Variants in WDR70 observed in about 807,000 individuals in gnomAD.
WDR70 encodes WD repeat-containing protein 70.
Under a neutral mutation model 88.6 loss-of-function variants are expected in WDR70, and 53 were observed. The ratio of observed to expected loss-of-function variants is 0.60; its 90% CI spans 0.48 to 0.75. The LOEUF (loss-of-function observed/expected upper bound fraction) is 0.75. Among genes scored for constraint, WDR70 ranks in the 30% least tolerant of loss-of-function variants. WDR70 has a pLI of 0.00. For synonymous variants in WDR70, 280 were observed against 270.0 expected, an observed-to-expected ratio of 1.04 and a Z score of -0.36; for missense variants, 610 against 823.2, an observed-to-expected ratio of 0.74 and a Z score of 3.17.
intron 9 of WDR70, among the ~76,000 whole-genome samples, chr5:37,551,865 G>A (rs779505901): frequency 2.0e-4 from 28 of 140,592 alleles, no homozygotes; most frequent in Admixed American, 4.3e-4. Context: ...TCTGCCTCCC[G>A]GGTTCAAGTG....
intron 9 of WDR70, among the ~76,000 whole-genome samples, chr5:37,562,044 A>C (rs888535899): frequency 2.0e-5 from 3 of 152,016 alleles, no homozygotes; most frequent in Non-Finnish European, 4.4e-5. Context: ...ATTAAGTGAA[A>C]ATTTTTCTTT....
intron 8 of WDR70, among the ~76,000 whole-genome samples, chr5:37,497,479 T>TTTC: frequency 1.6e-5 from 2 of 128,274 alleles, no homozygotes; most frequent in Non-Finnish European, 3.2e-5. Flanking sequence ...TTTCCTTCCC[T>TTTC]CTTCCCTTCC....
At chr5:37,384,034 A>G (rs1316402306) in intron 3 of WDR70, among the ~76,000 whole-genome samples, 1 of 152,070 alleles carries the variant, frequency 6.6e-6, no homozygotes, top group Non-Finnish European at 1.5e-5. Flanking sequence ...CTTGGACATC[A>G]TTTTACTCAT....
At chr5:37,727,078 G>A (rs749139769) in intron 17 of WDR70, 33 bp downstream of exon 17, 1 of 1,588,586 alleles carries the variant, frequency 6.3e-7, no homozygotes, top group African/African-American at 1.4e-5. Context: ...CAGGAAAATT[G>A]TTATGTTTAA....
At chr5:37,478,298 C>T (rs115474804) in intron 7 of WDR70, among the ~76,000 whole-genome samples, 1,639 of 152,308 alleles carry the variant, frequency 0.011, 23 homozygotes, top group African/African-American at 0.037. Context: ...GCTTCTCTTT[C>T]ACCAACAAAA....
intron 9 of WDR70, among the ~76,000 whole-genome samples, chr5:37,528,629 A>T (rs1234991936): frequency 5.0e-5 from 1 of 20,152 alleles, no homozygotes; most frequent in Non-Finnish European, 1.6e-4. Flanking sequence ...AAAGTATAAT[A>T]AAAAAAAACT....
At chr5:37,482,121 C>A (rs1198235234) in intron 8 of WDR70, among the ~76,000 whole-genome samples, 1 of 152,156 alleles carries the variant, frequency 6.6e-6, no homozygotes, top group Non-Finnish European at 1.5e-5. Flanking sequence ...TTCAACAAGT[C>A]TCTAGGAAGT....
intron 3 of WDR70, among the ~76,000 whole-genome samples, chr5:37,383,551 T>C (rs1748499351): frequency 6.6e-6 from 1 of 151,612 alleles, no homozygotes; most frequent in African/African-American, 2.4e-5. Context: ...TGTGAACCAC[T>C]GTGCCAGGCC....
Position 37,697,601 on chromosome 5 carries a change from GTTCT to G in WDR70, c.1093-53_1093-50del, listed in dbSNP as rs1246565944. 108 of 1,439,924 alleles carry G rather than the reference GTTCT, an allele frequency of 7.5e-5. No homozygotes were observed. The African/African-American group carries it at 1.3e-3, about 17-fold the overall frequency. The allele number at this position is 1,439,924 out of a possible 1,614,324, so 89.2% of individuals were successfully genotyped here. A position where few individuals can be genotyped will look rare whatever the true frequency, so the allele number is the denominator to read the frequency against. On this transcript the variant is annotated intron_variant, in intron 10 of 17. Coordinates refer to ENST00000265107, the MANE Select transcript of WDR70 (RefSeq NM_018034.4). ...AGTGAAATGTTCTTGCCACAAAACT[GTTCT>G]CTTCTGAATTGAGGTGAGATATTAA...
intron 10 of WDR70, among the ~76,000 whole-genome samples, chr5:37,672,427 G>T (rs1441159301): frequency 6.6e-6 from 1 of 152,082 alleles, no homozygotes; most frequent in African/African-American, 2.4e-5. Context: ...TGTAAAACCC[G>T]CTCGTACATT....
intron 10 of WDR70, among the ~76,000 whole-genome samples, chr5:37,676,445 G>GT (rs1345790604): frequency 1.3e-5 from 2 of 152,136 alleles, no homozygotes; most frequent in Non-Finnish European, 2.9e-5. Context: ...TTAGCATGAA[G>GT]GGTGTTGAAT....
chr5:37,522,470 CAAAAAA>C (rs1209419601), intron 9 of WDR70, among the ~76,000 whole-genome samples: 1 of 41,356 alleles, frequency 2.4e-5, no homozygotes, highest in East Asian at 6.4e-4. Flanking sequence ...GACTCTGTCT[CAAAAAA>C]AAAAAAAAAA....
chr5:37,468,151 T>G (rs1341774912), intron 7 of WDR70, among the ~76,000 whole-genome samples: 1 of 152,198 alleles, frequency 6.6e-6, no homozygotes. Flanking sequence ...GCCCGGCCTA[T>G]CATATGAATT....
At chr5:37,679,881 C>G (rs1473895824) in intron 10 of WDR70, among the ~76,000 whole-genome samples, 1 of 152,264 alleles carries the variant, frequency 6.6e-6, no homozygotes, top group Non-Finnish European at 1.5e-5. Flanking sequence ...CTGTGGTGGG[C>G]TCCACCCAGT....
intron 9 of WDR70, among the ~76,000 whole-genome samples, chr5:37,601,708 G>A (rs550998882): frequency 6.6e-6 from 1 of 151,776 alleles, no homozygotes; most frequent in East Asian, 1.9e-4. Context: ...ACTTGTTATT[G>A]GTCTGGTCAG....
intron 10 of WDR70, among the ~76,000 whole-genome samples, chr5:37,675,252 T>C (rs1016507033): frequency 5.3e-5 from 8 of 152,192 alleles, no homozygotes; most frequent in Non-Finnish European, 1.2e-4. Context: ...ATCCCATTTG[T>C]CAATTTTTGC....
chr5:37,606,456 C>T (rs1355145800), intron 10 of WDR70, among the ~76,000 whole-genome samples: 1 of 152,114 alleles, frequency 6.6e-6, no homozygotes, highest in Non-Finnish European at 1.5e-5. Context: ...AATTATAAAA[C>T]ATGCAGTTTT....
chr5:37,664,378 A>G (rs1745781112), intron 10 of WDR70, among the ~76,000 whole-genome samples: 1 of 152,208 alleles, frequency 6.6e-6, no homozygotes, highest in African/African-American at 2.4e-5. Flanking sequence ...TCTGTTATTG[A>G]GTCCTACCTA....
chr5:37,516,700 T>A, intron 9 of WDR70, 110 bp downstream of exon 9: 1 of 299,434 alleles, frequency 3.3e-6, no homozygotes, highest in Non-Finnish European at 5.7e-6. Flanking sequence ...TATTAGGAAT[T>A]CTTATTATAT....
Sources: allele counts gnomAD v4.1 joint callset (sites outside exome capture counted in the v4.1 genomes callset), GRCh38; gene constraint gnomAD v4.1.1; transcripts MANE v1.5; gene names NCBI Gene and HGNC (gene_info 2026-07-23, HGNC 2026-07-21).